STPG2: variants seen among roughly 807,000 people sequenced by gnomAD.
STPG2 encodes the protein sperm tail PG-rich repeat containing 2.
A neutral mutation model predicts 54.2 loss-of-function variants in STPG2; 56 were observed. The ratio of observed to expected loss-of-function variants is 1.03; its 90% CI spans 0.83 to 1.29. The LOEUF (loss-of-function observed/expected upper bound fraction) is 1.29. Ranked by LOEUF, STPG2 falls within the 50% of genes most tolerant of loss-of-function variation. The pLI, the probability that STPG2 is intolerant of heterozygous loss-of-function variation, is 0.00. For synonymous variants in STPG2, 200 were observed against 181.8 expected, an observed-to-expected ratio of 1.10 and a Z score of -0.81; for missense variants, 596 against 544.9, an observed-to-expected ratio of 1.09 and a Z score of -0.93.
rs1160198243 is a variant in STPG2, at chr4:98,111,924, G to A, written c.388-2619C>T. Reference sequence around the variant, plus strand: ...CAGGTTTTCTAGCCTTTGGATTCTTGGACTTTCCCCAGCAGCCCCTCAGGT... The same window carrying A: ...CAGGTTTTCTAGCCTTTGGATTCTTAGACTTTCCCCAGCAGCCCCTCAGGT... On this transcript the variant is annotated intron_variant, in intron 3 of 10. Transcript: ENST00000295268. Among the ~76,000 whole-genome samples, 7 of 151,868 alleles carry A rather than the reference G, an allele frequency of 4.6e-5. No homozygotes were observed. The East Asian group carries it at 1.4e-3, about 29-fold the overall frequency.
chr4:98,054,896 A>C (rs1415885671), intron 5 of STPG2, among the ~76,000 whole-genome samples: 1 of 152,220 alleles, frequency 6.6e-6, no homozygotes, highest in South Asian at 2.1e-4. Flanking sequence ...TGAAGTCTAC[A>C]GCTAGGACAA....
chr4:97,506,710 T>C (rs563245225), intron 4 of STPG2, among the ~76,000 whole-genome samples: 185 of 152,090 alleles, frequency 1.2e-3, no homozygotes, highest in Admixed American at 4.3e-3. Context: ...TGGACTGTTA[T>C]ATTAGACTCC....
intron 8 of STPG2, among the ~76,000 whole-genome samples, chr4:97,929,042 AC>A (rs1732441264): frequency 6.6e-6 from 1 of 151,968 alleles, no homozygotes; most frequent in Admixed American, 6.6e-5. Flanking sequence ...CCCACCCTCC[AC>A]CCTCAAGTAG....
chr4:97,769,346 A>T lies in STPG2; in HGVS notation c.1205-56532T>A, dbSNP rs1431364720. On this transcript the variant is annotated intron_variant, in intron 9 of 10. Coordinates refer to ENST00000295268, the MANE Select transcript of STPG2 (RefSeq NM_174952.3). ...AGCAATGGGCGGCTTCAATCAGCCA[A>T]CAGCCAGCTGATTCCCAGACATGTG... is the stretch of plus-strand genomic sequence containing the variant. Among the ~76,000 whole-genome samples, 5 of 152,300 alleles carry T rather than the reference A, an allele frequency of 3.3e-5. No individual in the cohort carries two copies. In the East Asian group the frequency reaches 7.7e-4, roughly 24 times the overall value.
chr4:97,766,366 C>T (rs1455531760), intron 9 of STPG2, among the ~76,000 whole-genome samples: 1 of 151,750 alleles, frequency 6.6e-6, no homozygotes, highest in Non-Finnish European at 1.5e-5. Flanking sequence ...CATGTTATTC[C>T]CAAAGATTTA....
At chr4:97,912,796 A>G (rs989779532) in intron 8 of STPG2, among the ~76,000 whole-genome samples, 1 of 152,240 alleles carries the variant, frequency 6.6e-6, no homozygotes, top group African/African-American at 2.4e-5. Flanking sequence ...GATGCCATGC[A>G]TTGGCATTTT....
intron 5 of STPG2, chr4:98,026,389 G>A: frequency 2.4e-6 from 1 of 422,052 alleles, no homozygotes; most frequent in Non-Finnish European, 4.2e-6. Flanking sequence ...ATCCTCTTTG[G>A]CCTAGGTTTT....
At position 97,664,860 on chromosome 4, in the gene STPG2, G is replaced by C. The variant is rs1001054752; in HGVS notation, c.1320+47839C>G. Among the ~76,000 whole-genome samples, 3 of 151,966 alleles carry C rather than the reference G, an allele frequency of 2.0e-5. No individual in the cohort carries two copies. The East Asian group carries it at 5.8e-4, about 30-fold the overall frequency. ...AGGCTGTATTTGGCTTGTGCTACTGGCCTGGATCCCATGCCTGCCAAGGGC... is the reference window on the plus strand; with the variant it reads ...AGGCTGTATTTGGCTTGTGCTACTGCCCTGGATCCCATGCCTGCCAAGGGC... On this transcript the variant is annotated intron_variant, in intron 10 of 10. Transcript: ENST00000295268.
intron 5 of STPG2, among the ~76,000 whole-genome samples, chr4:98,056,521 A>G (rs1737490836): frequency 6.6e-6 from 1 of 152,178 alleles, no homozygotes; most frequent in Non-Finnish European, 1.5e-5. Flanking sequence ...CCAGAGTTAG[A>G]GCACACCATC....
chr4:97,882,723 A>G (rs1730423920), intron 8 of STPG2, among the ~76,000 whole-genome samples: 1 of 152,112 alleles, frequency 6.6e-6, no homozygotes, highest in Non-Finnish European at 1.5e-5. Flanking sequence ...AAAAAACATG[A>G]AACTAGCAAT....
At chr4:97,973,738 C>T (rs113459704) in intron 6 of STPG2, among the ~76,000 whole-genome samples, 4 of 148,140 alleles carry the variant, frequency 2.7e-5, no homozygotes, top group Middle Eastern at 3.5e-3. Context: ...AAGGAGCCAA[C>T]GTAGAGCTCA....
At chr4:97,483,864 A>G (rs2148822746) in intron 4 of STPG2, among the ~76,000 whole-genome samples, 1 of 151,974 alleles carries the variant, frequency 6.6e-6, no homozygotes, top group South Asian at 2.1e-4. Flanking sequence ...ATTTGAAATT[A>G]TATCAAGCAC....
At chr4:97,501,822 TGATAAGAGTAAGTAGAA>T (rs1730731679) in intron 4 of STPG2, among the ~76,000 whole-genome samples, 1 of 151,916 alleles carries the variant, frequency 6.6e-6, no homozygotes, top group Non-Finnish European at 1.5e-5. Flanking sequence ...CAAAATAATT[TGATAAGAGTAAGTAGAA>T]GTCAATAAAG....
chr4:97,481,077 T>C (rs1030789589), intron 4 of STPG2, among the ~76,000 whole-genome samples: 1 of 151,544 alleles, frequency 6.6e-6, no homozygotes, highest in Non-Finnish European at 1.5e-5. Flanking sequence ...TTGTTTTACA[T>C]GGCATGACAT....
intron 8 of STPG2, among the ~76,000 whole-genome samples, chr4:97,938,379 C>T (rs747046505): frequency 7.2e-5 from 11 of 152,196 alleles, no homozygotes; most frequent in African/African-American, 4.8e-5. Context: ...CTTAGGCAGC[C>T]GGCAGCTGCA....
intron 9 of STPG2, among the ~76,000 whole-genome samples, chr4:97,726,868 A>G (rs1051429715): frequency 1.3e-5 from 2 of 151,518 alleles, no homozygotes; most frequent in African/African-American, 2.4e-5. Flanking sequence ...CACACAGAGA[A>G]TATACCTATG....
At chr4:97,987,768 T>A (rs949207165) in intron 5 of STPG2, among the ~76,000 whole-genome samples, 4 of 152,062 alleles carry the variant, frequency 2.6e-5, no homozygotes, top group African/African-American at 7.2e-5. Flanking sequence ...CTTTATAATA[T>A]TTCCAAATCC....
chr4:97,809,287 A>G (rs1727665520), intron 9 of STPG2, among the ~76,000 whole-genome samples: 1 of 152,206 alleles, frequency 6.6e-6, no homozygotes, highest in Non-Finnish European at 1.5e-5. Context: ...TGACAGAGAG[A>G]GCAGCACGTT....
intron 6 of STPG2, among the ~76,000 whole-genome samples, chr4:97,977,290 AC>A (rs1162578156): frequency 6.6e-6 from 1 of 152,196 alleles, no homozygotes; most frequent in Non-Finnish European, 1.5e-5. Flanking sequence ...AACTGCTATA[AC>A]TAATCAAATT....
Sources: allele counts gnomAD v4.1 joint callset (sites outside exome capture counted in the v4.1 genomes callset), GRCh38; gene constraint gnomAD v4.1.1; transcripts MANE v1.5; gene names NCBI Gene and HGNC (gene_info 2026-07-23, HGNC 2026-07-21).